The following PLCE1 variants were observed in gnomAD, a reference collection of about 807,000 sequenced individuals.
PLCE1 encodes the protein phospholipase C epsilon 1, also known as 1-phosphatidylinositol 4,5-bisphosphate phosphodiesterase epsilon-1.
A neutral mutation model predicts 242.8 loss-of-function variants in PLCE1; 119 were observed. The observed-to-expected ratio is 0.49, with a 90% CI of 0.42 to 0.57. PLCE1 has a LOEUF of 0.57. Among genes scored for constraint, PLCE1 ranks in the 20% least tolerant of loss-of-function variants. The pLI is 0.00. For missense variants in PLCE1, 2,441 were observed against 2,788.8 expected (o/e 0.88, Z 2.81); for synonymous variants, 945 against 1,017.4 (o/e 0.93, Z 1.35).
chr10:94,218,616 G>A (rs1035230139), intron 4 of PLCE1, among the ~76,000 whole-genome samples: 3 of 152,010 alleles, frequency 2.0e-5, no homozygotes, highest in Admixed American at 6.6e-5. Context: ...AAATGGATAC[G>A]GATTTGTAGC....
At chr10:94,273,839 C>T in intron 19 of PLCE1, 119 bp downstream of exon 19, 1 of 935,410 alleles carries the variant, frequency 1.1e-6, no homozygotes, top group Non-Finnish European at 1.7e-6. Context: ...ACTGACTTTC[C>T]TTAAATGATA....
intron 7 of PLCE1, among the ~76,000 whole-genome samples, chr10:94,237,315 T>C (rs1020040718): frequency 2.0e-5 from 3 of 152,220 alleles, no homozygotes. Flanking sequence ...TGTATGTCGT[T>C]TGACCTTTCT....
rs1356721547 is a variant in PLCE1 at position 94,329,729 on chromosome 10, G to C, written c.*1786G>C. On this transcript the variant is annotated 3_prime_UTR_variant, in exon 33 of 33. Coordinates refer to ENST00000371380, the MANE Select transcript of PLCE1 (RefSeq NM_016341.4). ...GGAGGTGGAGGCTGCAGTGAGCCAAGATCGCACCACCACGCTCCAGCCTGG... is the reference window on the plus strand; with the variant it reads ...GGAGGTGGAGGCTGCAGTGAGCCAACATCGCACCACCACGCTCCAGCCTGG... 8.3e-6 allele frequency: 1 copy of C among 120,062 alleles called. No homozygotes were observed. The highest frequency in any genetic ancestry group is 1.2e-4 in the Admixed American group (1 of 8,598). The allele number at this position is 120,062 out of a possible 1,614,324, so 7.4% of individuals were successfully genotyped here. A position where few individuals can be genotyped will look rare whatever the true frequency, so the allele number is the denominator to read the frequency against.
At chr10:94,074,080 A>T (rs2044433681) in intron 2 of PLCE1, among the ~76,000 whole-genome samples, 1 of 151,540 alleles carries the variant, frequency 6.6e-6, no homozygotes, top group African/African-American at 2.4e-5. Context: ...GCCAATTTTT[A>T]TGTTTATTCA....
At chr10:94,055,657 C>T (rs2043884811) in intron 2 of PLCE1, among the ~76,000 whole-genome samples, 1 of 152,048 alleles carries the variant, frequency 6.6e-6, no homozygotes, top group Admixed American at 6.6e-5. Context: ...GGTGTAAGTC[C>T]CAGCTCTGCC....
At chr10:94,191,197 A>T (rs987226242) in intron 4 of PLCE1, among the ~76,000 whole-genome samples, 1 of 152,216 alleles carries the variant, frequency 6.6e-6, no homozygotes, top group African/African-American at 2.4e-5. Flanking sequence ...TCAGAATGGC[A>T]CAATGGCAAA....
At chr10:94,067,369 G>C (rs1206375815) in intron 2 of PLCE1, among the ~76,000 whole-genome samples, 1 of 152,168 alleles carries the variant, frequency 6.6e-6, no homozygotes, top group Admixed American at 6.5e-5. Flanking sequence ...ACCATTAAAA[G>C]CTCTGCCTTT....
chr10:94,055,286 G>A (rs1010628878), intron 2 of PLCE1, among the ~76,000 whole-genome samples: 1 of 149,762 alleles, frequency 6.7e-6, no homozygotes, highest in African/African-American at 2.5e-5. Flanking sequence ...CATTGCCTAA[G>A]TTGTAAATGT....
chr10:94,174,391 T>C (rs1462422926), intron 4 of PLCE1, among the ~76,000 whole-genome samples: 3 of 152,212 alleles, frequency 2.0e-5, no homozygotes, highest in East Asian at 3.8e-4. Flanking sequence ...CAGTAATAAC[T>C]GTTGCAGGCA....
rs568759042 is a variant in PLCE1, at chr10:94,313,480, C to A, written c.6132+98C>A. The A allele has an allele frequency of 2.4e-5, 33 of 1,356,406 alleles. No homozygotes were observed. In the East Asian group the frequency reaches 6.7e-4, roughly 27 times the overall value. The allele number at this position is 1,356,406 out of a possible 1,614,324, so 84.0% of individuals were successfully genotyped here. A position where few individuals can be genotyped will look rare whatever the true frequency, so the allele number is the denominator to read the frequency against. On this transcript the variant is annotated intron_variant, in intron 28 of 32. Coordinates refer to ENST00000371380, the MANE Select transcript of PLCE1 (RefSeq NM_016341.4). ...CTGTGTGTAAACATACACAGATGCA[C>A]ATGAATGCGCAAAAGTCCATGTGGA...
chr10:94,223,264 G>T, intron 4 of PLCE1, among the ~76,000 whole-genome samples: 1 of 133,936 alleles, frequency 7.5e-6, no homozygotes, highest in Non-Finnish European at 1.5e-5. Context: ...TGAATCTGGG[G>T]TGATGGGGAA....
intron 2 of PLCE1, among the ~76,000 whole-genome samples, chr10:94,124,128 C>T (rs2046373336): frequency 6.6e-6 from 1 of 151,946 alleles, no homozygotes; most frequent in South Asian, 2.1e-4. Context: ...GGGTAAAATC[C>T]CAGCACGCTG....
At chr10:94,313,198 G>A in intron 27 of PLCE1, 56 bp from the exon 28 acceptor site, 2 of 1,604,460 alleles carry the variant, frequency 1.2e-6, no homozygotes, top group Non-Finnish European at 1.7e-6. Flanking sequence ...GTATCAAATA[G>A]AGCTTAGAAA....
intron 28 of PLCE1, chr10:94,315,605 C>T: frequency 4.7e-6 from 2 of 422,906 alleles, no homozygotes; most frequent in South Asian, 3.4e-5. Context: ...CCTGTCTCCA[C>T]TAAAAATACA....
chr10:94,155,628 CTTG>C (rs2047408999), intron 3 of PLCE1: 1 of 150,506 alleles, frequency 6.6e-6, no homozygotes. Flanking sequence ...TTTTTTTGTT[CTTG>C]TTTTTTAAAA....
At chr10:94,169,630 T>A (rs542243404) in intron 3 of PLCE1, among the ~76,000 whole-genome samples, 84 of 152,184 alleles carry the variant, frequency 5.5e-4, no homozygotes, top group Non-Finnish European at 1.9e-4. Flanking sequence ...GGTTTGGGAA[T>A]GTGAGAAGAA....
intron 3 of PLCE1, among the ~76,000 whole-genome samples, chr10:94,164,658 G>A (rs2047730928): frequency 6.6e-6 from 1 of 152,222 alleles, no homozygotes; most frequent in Non-Finnish European, 1.5e-5. Flanking sequence ...TCTCCATCCA[G>A]CTTTGTTCCG....
chr10:94,073,018 G>A (rs1323315523), intron 2 of PLCE1, among the ~76,000 whole-genome samples: 1 of 152,014 alleles, frequency 6.6e-6, no homozygotes, highest in African/African-American at 2.4e-5. Context: ...GGAGCACAGG[G>A]TGTTTTCTTT....
At chr10:94,148,958 A>C (rs538616981) in intron 3 of PLCE1, among the ~76,000 whole-genome samples, 121 of 152,266 alleles carry the variant, frequency 7.9e-4, no homozygotes, top group African/African-American at 2.9e-3. Flanking sequence ...GCTATTCCAG[A>C]ACTTTCTCAC....
Sources: gnomAD v4.1 joint callset for allele counts (sites outside exome capture counted in the v4.1 genomes callset) on GRCh38, gnomAD v4.1.1 for gene constraint, MANE v1.5 for transcripts, NCBI Gene and HGNC (gene_info 2026-07-23, HGNC 2026-07-21) for gene names.